FBXL13: variants seen among roughly 807,000 people sequenced by gnomAD.
FBXL13 encodes the protein F-box and leucine-rich repeat protein 13.
FBXL13 carries 67 observed loss-of-function variants against 83.6 expected under a neutral mutation model. The ratio of observed to expected loss-of-function variants is 0.80; its 90% CI spans 0.66 to 0.98. The LOEUF is 0.98. Ranked by LOEUF, FBXL13 falls within the 50% of genes least tolerant of loss-of-function variation. The probability of loss-of-function intolerance (pLI) is 0.00; values close to 1 mark genes in which losing one functional copy is unlikely to be tolerated. For synonymous variants in FBXL13, 272 were observed against 299.5 expected (o/e 0.91, Z 0.95); for missense variants, 822 against 866.5 (o/e 0.95, Z 0.64).
intron 2 of FBXL13, 74 bp downstream of exon 2, chr7:103,055,570 A>T (rs1194149302): frequency 1.7e-6 from 1 of 593,864 alleles, no homozygotes; most frequent in East Asian, 7.1e-5. Flanking sequence ...GCAAGACCTT[A>T]TTTTGTTACT....
At chr7:102,890,377 C>T (rs758582997) in intron 11 of FBXL13, among the ~76,000 whole-genome samples, 24 of 152,114 alleles carry the variant, frequency 1.6e-4, no homozygotes, top group Non-Finnish European at 2.9e-4. Context: ...CAACTGGAGC[C>T]CTGCCACCCT....
At chr7:103,034,107 G>A (rs1407107225) in intron 2 of FBXL13, among the ~76,000 whole-genome samples, 3 of 152,350 alleles carry the variant, frequency 2.0e-5, no homozygotes, top group East Asian at 3.9e-4. Context: ...GCTGATTGGT[G>A]TATTTACAAT....
chr7:102,976,360 C>A, intron 6 of FBXL13: 1 of 596,932 alleles, frequency 1.7e-6, no homozygotes, highest in South Asian at 2.1e-5. Flanking sequence ...ACCCTGAGCC[C>A]CCCGCTCCAC....
At chr7:102,973,599 G>A (rs761312108) in intron 6 of FBXL13, 25 of 765,774 alleles carry the variant, frequency 3.3e-5, no homozygotes, top group Non-Finnish European at 5.0e-5. Context: ...GAGTTTGAAC[G>A]GATACAAGAA....
chr7:102,902,666 C>T (rs576071440), intron 11 of FBXL13, among the ~76,000 whole-genome samples: 2 of 152,308 alleles, frequency 1.3e-5, no homozygotes, highest in African/African-American at 4.8e-5. Context: ...TTTCCCAGCA[C>T]CACTTATTGA....
At chr7:103,051,465 G>T (rs1006062008) in intron 2 of FBXL13, among the ~76,000 whole-genome samples, 1 of 152,074 alleles carries the variant, frequency 6.6e-6, no homozygotes, top group African/African-American at 2.4e-5. Context: ...TCTGAAATCC[G>T]AGAGAGAGCT....
intron 8 of FBXL13, among the ~76,000 whole-genome samples, chr7:102,951,402 A>AATAAATAAATAAAT (rs1823377513): frequency 6.6e-6 from 1 of 150,726 alleles, no homozygotes; most frequent in Non-Finnish European, 1.5e-5. Flanking sequence ...TAAATAAATA[A>AATAAATAAATAAAT]AAGTTAATTT....
At chr7:102,915,737 AC>A (rs1031917804) in intron 10 of FBXL13, among the ~76,000 whole-genome samples, 7 of 111,022 alleles carry the variant, frequency 6.3e-5, no homozygotes, top group African/African-American at 2.4e-4. Context: ...AAATAAAAAA[AC>A]ATTTATGAGT....
chr7:102,878,594 C>T, intron 14 of FBXL13, 144 bp from the exon 16 acceptor site: 1 of 441,400 alleles, frequency 2.3e-6, no homozygotes, highest in Non-Finnish European at 3.8e-6. Flanking sequence ...TATTTTAAAA[C>T]CAAATTTGAT....
rs536778016 is a variant in FBXL13, at chr7:103,017,553, C to A, written c.495+7510G>T. 4.6e-5 allele frequency among the ~76,000 whole-genome samples: 7 copies of A among 152,224 alleles called. No individual in the cohort carries two copies. The South Asian group carries it at 1.5e-3, about 32-fold the overall frequency. ...AGCTAAAGAGGAAGTTCGAACCCAT[C>A]GTAAAGACGCTAAAAACCTTGAAAA... On this transcript the variant is annotated intron_variant, in intron 6 of 19. Transcript: ENST00000313221.
At chr7:103,028,068 T>C (rs989014580) in intron 4 of FBXL13, among the ~76,000 whole-genome samples, 7 of 152,146 alleles carry the variant, frequency 4.6e-5, no homozygotes, top group Non-Finnish European at 8.8e-5. Context: ...CAAGTTGTTA[T>C]CAGGAGAGTT....
intron 6 of FBXL13, among the ~76,000 whole-genome samples, chr7:103,012,068 CAAAATGAAAGA>C (rs1188507133): frequency 6.6e-6 from 1 of 151,954 alleles, no homozygotes; most frequent in East Asian, 1.9e-4. Context: ...TCTCCAAGGT[CAAAATGAAAGA>C]AAAAAGGCAG....
At position 102,959,159 on chromosome 7, in the gene FBXL13, G is replaced by T. The variant is rs886802936; in HGVS notation, c.724+4374C>A. ...TGACAAGCTATTAAAACCAAGAAGA[G>T]AGCTTAATACATGGTCAGATACAAT... On this transcript the variant is annotated intron_variant, in intron 8 of 19. Coordinates refer to ENST00000313221, the Ensembl canonical transcript of FBXL13. Among the ~76,000 whole-genome samples, 43 of 152,124 alleles carry T rather than the reference G, an allele frequency of 2.8e-4. 1 individual carries two copies. The highest frequency in any genetic ancestry group is 1.0e-3 in the African/African-American group (43 of 41,514).
chr7:102,995,571 A>C (rs926331298), intron 6 of FBXL13, among the ~76,000 whole-genome samples: 12 of 151,608 alleles, frequency 7.9e-5, no homozygotes, highest in African/African-American at 2.9e-4. Context: ...GACGGATCAC[A>C]AGGTCAAGAA....
intron 6 of FBXL13, among the ~76,000 whole-genome samples, chr7:102,980,501 G>C (rs770018335): frequency 3.3e-5 from 5 of 152,220 alleles, no homozygotes; most frequent in Admixed American, 6.5e-5. Flanking sequence ...AAACCAGCCG[G>C]GTGCGGTGGC....
rs7779454 is a variant in FBXL13 at position 102,814,097 on chromosome 7, T to C, written c.2019-566A>G. On this transcript the variant is annotated intron_variant, in intron 19 of 19. Coordinates refer to ENST00000313221, the Ensembl canonical transcript of FBXL13. ...AGTATTAAAAAATACTGTTATAGTC[T>C]TTCTTAGCAGGAAACAAGAAAGTAA... Among the ~76,000 whole-genome samples the C allele has an allele frequency of 7.1e-3, 1,079 of 151,814 alleles. 9 individuals carry two copies. Among genetic ancestry groups the C allele is most frequent in the African/African-American group, 0.025 (1,018 of 41,106 alleles).
chr7:103,002,235 GT>G (rs1372526033), intron 6 of FBXL13, among the ~76,000 whole-genome samples: 4 of 152,048 alleles, frequency 2.6e-5, no homozygotes, highest in East Asian at 1.9e-4. Flanking sequence ...GAAATGGCAA[GT>G]TTTTTTAAAC....
rs376963624 is a variant in FBXL13, at chr7:102,902,228, G to A, written c.1008+10858C>T. On this transcript the variant is annotated intron_variant, in intron 11 of 19. Coordinates refer to ENST00000313221, the Ensembl canonical transcript of FBXL13. Reference sequence around the variant, plus strand: ...TCATATGCCTGTTTGCCATTTGTATGTTTTCTTTGAGAAATGTCTATTGCA... The same window carrying A: ...TCATATGCCTGTTTGCCATTTGTATATTTTCTTTGAGAAATGTCTATTGCA... 9.2e-5 allele frequency among the ~76,000 whole-genome samples: 14 copies of A among 152,186 alleles called. No homozygotes were observed. The East Asian group carries it at 1.7e-3, about 19-fold the overall frequency.
intron 11 of FBXL13, among the ~76,000 whole-genome samples, chr7:102,906,642 C>A (rs920848687): frequency 3.3e-5 from 5 of 152,094 alleles, no homozygotes; most frequent in Non-Finnish European, 7.4e-5. Flanking sequence ...AAGTTTTTTT[C>A]CTTCAGCATT....
Sources: gnomAD v4.1 joint callset for allele counts (sites outside exome capture counted in the v4.1 genomes callset) on GRCh38, gnomAD v4.1.1 for gene constraint, MANE v1.5 for transcripts, NCBI Gene and HGNC (gene_info 2026-07-23, HGNC 2026-07-21) for gene names.